The following STPG2 variants were observed in gnomAD, a reference collection of about 807,000 sequenced individuals.
STPG2 encodes sperm-tail PG-rich repeat-containing protein 2.
Under a neutral mutation model 54.2 loss-of-function variants are expected in STPG2, and 56 were observed. The observed-to-expected ratio is 1.03, with a 90% CI of 0.83 to 1.29. The LOEUF is 1.29. Among genes scored for constraint, STPG2 ranks in the 50% most tolerant of loss-of-function variants. The pLI, the probability that STPG2 is intolerant of heterozygous loss-of-function variation, is 0.00. For synonymous variants in STPG2, 200 were observed against 181.8 expected, an observed-to-expected ratio of 1.10 and a Z score of -0.81; for missense variants, 596 against 544.9, an observed-to-expected ratio of 1.09 and a Z score of -0.93.
At chr4:97,461,945 T>G (rs532035850) in intron 4 of STPG2, among the ~76,000 whole-genome samples, 28 of 152,306 alleles carry the variant, frequency 1.8e-4, no homozygotes, top group African/African-American at 6.3e-4. Flanking sequence ...ATACTCTTTA[T>G]TGAATGTCAT....
chr4:98,050,788 G>A (rs956995525), intron 5 of STPG2, among the ~76,000 whole-genome samples: 4 of 151,920 alleles, frequency 2.6e-5, no homozygotes, highest in Non-Finnish European at 5.9e-5. Context: ...GGTGGATCAT[G>A]AGGTCAGGAG....
intron 5 of STPG2, among the ~76,000 whole-genome samples, chr4:98,006,450 G>C (rs949474608): frequency 3.3e-5 from 5 of 152,186 alleles, no homozygotes; most frequent in Non-Finnish European, 1.5e-5. Flanking sequence ...CATGTTCTCA[G>C]ATCTGGAAAC....
At chr4:98,122,327 G>A (rs755382358) in intron 3 of STPG2, among the ~76,000 whole-genome samples, 65 of 152,198 alleles carry the variant, frequency 4.3e-4, no homozygotes, top group Non-Finnish European at 3.1e-4. Context: ...TATATCGGCT[G>A]TGGGTTTGTC....
At chr4:97,480,632 G>A (rs1730196882) in intron 4 of STPG2, among the ~76,000 whole-genome samples, 1 of 151,466 alleles carries the variant, frequency 6.6e-6, no homozygotes, top group Non-Finnish European at 1.5e-5. Flanking sequence ...TTTAGCTGTT[G>A]TAGTAGGTAT....
At chr4:98,083,643 T>C (rs1738417411) in intron 5 of STPG2, among the ~76,000 whole-genome samples, 1 of 152,118 alleles carries the variant, frequency 6.6e-6, no homozygotes, top group African/African-American at 2.4e-5. Flanking sequence ...GTGAACAAAA[T>C]ATGAAAAACA....
chr4:97,681,005 T>G (rs1723015725), intron 10 of STPG2, among the ~76,000 whole-genome samples: 1 of 152,016 alleles, frequency 6.6e-6, no homozygotes, highest in South Asian at 2.1e-4. Flanking sequence ...TGTTTTTATT[T>G]ATGTTATTTG....
At chr4:98,109,006 G>A (rs1739268860) in intron 4 of STPG2, among the ~76,000 whole-genome samples, 187 bp downstream of exon 4, 1 of 152,064 alleles carries the variant, frequency 6.6e-6, no homozygotes, top group African/African-American at 2.4e-5. Flanking sequence ...TTCTGCACAT[G>A]TATCCCAAAA....
intron 8 of STPG2, among the ~76,000 whole-genome samples, chr4:97,852,235 T>A (rs1186018040): frequency 6.6e-6 from 1 of 152,188 alleles, no homozygotes; most frequent in Non-Finnish European, 1.5e-5. Context: ...AGGATTCCAA[T>A]CAATTTATGT....
chr4:97,750,783 CTT>C (rs1725560184), intron 9 of STPG2, among the ~76,000 whole-genome samples: 2 of 151,588 alleles, frequency 1.3e-5, no homozygotes, highest in South Asian at 2.1e-4. Context: ...AGAAGAGAGA[CTT>C]AGGATAATCT....
chr4:98,129,687 ATGTATCAAATAAAAGTAC>A (rs1390982411), intron 2 of STPG2, among the ~76,000 whole-genome samples: 1 of 152,208 alleles, frequency 6.6e-6, no homozygotes, highest in Non-Finnish European at 1.5e-5. Flanking sequence ...TTAATATAAA[ATGTATCAAATAAAAGTAC>A]TGGCATTTAA....
chr4:97,742,806 A>T (rs139463146), intron 9 of STPG2, among the ~76,000 whole-genome samples: 1 of 151,714 alleles, frequency 6.6e-6, no homozygotes, highest in Admixed American at 6.6e-5. Context: ...AGTTTCAGTG[A>T]TATAGGATGA....
chr4:97,545,029 A>T (rs905882233), intron 4 of STPG2, among the ~76,000 whole-genome samples: 1 of 152,110 alleles, frequency 6.6e-6, no homozygotes. Flanking sequence ...GCAAGTAATC[A>T]ATAAGATTAT....
intron 9 of STPG2, among the ~76,000 whole-genome samples, chr4:97,716,340 A>G (rs1024492212): frequency 2.0e-5 from 3 of 152,132 alleles, no homozygotes; most frequent in African/African-American, 7.2e-5. Context: ...CAGCAATCCC[A>G]TTACTGAGTA....
intron 6 of STPG2, among the ~76,000 whole-genome samples, chr4:97,972,697 G>A (rs1295369743): frequency 6.6e-6 from 1 of 152,110 alleles, no homozygotes; most frequent in Non-Finnish European, 1.5e-5. Context: ...TCCATGGGAG[G>A]AACTGTCATA....
chr4:97,721,520 T>A (rs1341206616), intron 9 of STPG2, among the ~76,000 whole-genome samples: 2 of 152,118 alleles, frequency 1.3e-5, no homozygotes, highest in Admixed American at 1.3e-4. Context: ...ATGTCCATTG[T>A]TAGTTGAAAT....
At chr4:98,129,051 G>A (rs532982895) in intron 2 of STPG2, among the ~76,000 whole-genome samples, 1 of 152,104 alleles carries the variant, frequency 6.6e-6, no homozygotes, top group Non-Finnish European at 1.5e-5. Context: ...TTTTGTAAAA[G>A]TAATTTAAAG....
At chr4:97,478,514 C>A (rs1730133846) in intron 4 of STPG2, among the ~76,000 whole-genome samples, 1 of 151,918 alleles carries the variant, frequency 6.6e-6, no homozygotes, top group Admixed American at 6.6e-5. Context: ...ATTAGTAGGG[C>A]AGTATTTGTT....
At chr4:97,897,463 G>A (rs978491649) in intron 8 of STPG2, among the ~76,000 whole-genome samples, 1 of 151,778 alleles carries the variant, frequency 6.6e-6, no homozygotes, top group Non-Finnish European at 1.5e-5. Flanking sequence ...CTGTTTTTAG[G>A]TCTTTGAAAA....
intron 9 of STPG2, among the ~76,000 whole-genome samples, chr4:97,838,117 TAAC>T (rs915325355): frequency 1.3e-5 from 2 of 151,554 alleles, no homozygotes; most frequent in Non-Finnish European, 1.5e-5. Flanking sequence ...TATATACATA[TAAC>T]AATACTAAAT....
Sources: gnomAD v4.1 joint callset for allele counts (sites outside exome capture counted in the v4.1 genomes callset) on GRCh38, gnomAD v4.1.1 for gene constraint, MANE v1.5 for transcripts, NCBI Gene and HGNC (gene_info 2026-07-23, HGNC 2026-07-21) for gene names.